COL22A1: variants seen among roughly 807,000 people sequenced by gnomAD.
COL22A1 encodes collagen alpha-1(XXII) chain.
A neutral mutation model predicts 248.9 loss-of-function variants in COL22A1; 221 were observed. That is an observed-to-expected ratio of 0.89 (90% CI 0.80 to 0.99). COL22A1 has a LOEUF of 0.99. COL22A1 is among the 50% of genes least tolerant of loss of function. The pLI is 0.00. For synonymous variants in COL22A1, 891 were observed against 793.4 expected (o/e 1.12, Z -2.07); for missense variants, 2,240 against 2,179.0 (o/e 1.03, Z -0.56).
intron 63 of COL22A1, among the ~76,000 whole-genome samples, chr8:138,592,467 C>T (rs1367057194): frequency 6.6e-6 from 1 of 152,140 alleles, no homozygotes; most frequent in African/African-American, 2.4e-5. Flanking sequence ...CTGATGTTCT[C>T]TGTTTTATGC....
intron 22 of COL22A1, 97 bp downstream of exon 22, chr8:138,751,361 C>T: frequency 1.2e-6 from 1 of 833,372 alleles, no homozygotes; most frequent in Non-Finnish European, 1.9e-6. Context: ...TTTCAAGTCC[C>T]TGAAACTGAC....
intron 16 of COL22A1, among the ~76,000 whole-genome samples, chr8:138,769,252 G>A (rs944537556): frequency 9.9e-5 from 15 of 152,152 alleles, no homozygotes; most frequent in African/African-American, 2.9e-4. Context: ...ACTGACTGAC[G>A]TGAACTCAAC....
At position 138,820,762 on chromosome 8, in the gene COL22A1, C is replaced by T. The variant is rs773963409; in HGVS notation, c.1245+374G>A. ...TATATGTATGTATGTGTGTGTGTGA[C>T]TTTGCAGACCTAGGAGCTACCTTTC... On this transcript the variant is annotated intron_variant, in intron 7 of 64. Transcript: ENST00000303045. Among the ~76,000 whole-genome samples, 36 of 152,090 alleles carry T rather than the reference C, an allele frequency of 2.4e-4. 1 individual carries two copies. Among genetic ancestry groups the T allele is most frequent in the Non-Finnish European group, 5.0e-4 (34 of 68,034 alleles).
chr8:138,840,730 A>AT (rs1820820739), intron 4 of COL22A1, among the ~76,000 whole-genome samples: 1 of 151,948 alleles, frequency 6.6e-6, no homozygotes, highest in Non-Finnish European at 1.5e-5. Flanking sequence ...TTTCATGGGT[A>AT]TTTTTTGGTA....
chr8:138,901,793 C>A (rs1201027881), intron 1 of COL22A1, among the ~76,000 whole-genome samples: 2 of 152,044 alleles, frequency 1.3e-5, no homozygotes, highest in East Asian at 3.9e-4. Context: ...TTATTGCAGA[C>A]CTTCATGGGC....
intron 1 of COL22A1, among the ~76,000 whole-genome samples, chr8:138,886,759 C>G (rs963354970): frequency 1.3e-5 from 2 of 152,180 alleles, no homozygotes; most frequent in Non-Finnish European, 2.9e-5. Flanking sequence ...GAGCTAGGAA[C>G]CACTATCTCA....
At chr8:138,854,069 G>C (rs1207570109) in intron 3 of COL22A1, among the ~76,000 whole-genome samples, 2 of 152,214 alleles carry the variant, frequency 1.3e-5, no homozygotes, top group Non-Finnish European at 2.9e-5. Flanking sequence ...GGCTGTGACT[G>C]TCACATGGCA....
chr8:138,762,902 T>G (rs6981648), intron 16 of COL22A1, among the ~76,000 whole-genome samples: 121,010 of 152,162 alleles, frequency 0.8, 49,069 homozygotes, highest in East Asian at 0.99. Flanking sequence ...CAACATAGAC[T>G]TCAGAGTGAA....
intron 11 of COL22A1, among the ~76,000 whole-genome samples, chr8:138,799,976 A>G (rs6998177): frequency 0.3 from 46,238 of 152,102 alleles, 7,526 homozygotes; most frequent in African/African-American, 0.41. Flanking sequence ...TTGTTTCTAG[A>G]GAACTCTTAC....
intron 37 of COL22A1, 93 bp from the exon 38 acceptor site, chr8:138,685,405 T>A: frequency 1.0e-6 from 1 of 969,356 alleles, no homozygotes; most frequent in Non-Finnish European, 1.6e-6. Flanking sequence ...GTAGGTTTCC[T>A]GGGGCTGCCT....
intron 18 of COL22A1, among the ~76,000 whole-genome samples, chr8:138,756,069 T>G (rs1339703733): frequency 1.3e-5 from 2 of 152,194 alleles, no homozygotes; most frequent in Non-Finnish European, 2.9e-5. Flanking sequence ...TTTTCTATTT[T>G]GTGCACATCC....
chr8:138,664,209 G>GCGCGCGCGCGCACA (rs1440442280), intron 41 of COL22A1, among the ~76,000 whole-genome samples: 13 of 103,158 alleles, frequency 1.3e-4, no homozygotes, highest in East Asian at 3.2e-4. Flanking sequence ...GCGCGCGCGC[G>GCGCGCGCGCGCACA]CACACACACA....
Position 138,630,744 on chromosome 8 carries a change from G to T in COL22A1, c.3614C>A (p.Ala1205Glu), listed in dbSNP as rs1416639090. ...TCCAGCAGCTCCTGCAATTCCATCT[G>T]CCCCCTAAAAAAGACAAGGCAGAAA... ...GPPGNPGPPG[A>E]DGIAGAAGPP... Residue 1205 changes from alanine (A) to glutamate (E), a missense_variant, in exon 50 of 65, where the codon GCA (alanine) becomes GAA (glutamate). Physicochemically the swap from Ala to Glu is moderately radical, Grantham distance 107 (BLOSUM62 -1). Coordinates refer to ENST00000303045, the MANE Select transcript of COL22A1 (RefSeq NM_152888.3). 6.2e-7 allele frequency: 1 copy of T among 1,613,718 alleles called. No homozygotes were observed. Among genetic ancestry groups the T allele is most frequent in the Non-Finnish European group, 8.5e-7 (1 of 1,179,766 alleles).
chr8:138,837,822 C>A (rs1015958129), intron 4 of COL22A1, among the ~76,000 whole-genome samples: 2 of 152,146 alleles, frequency 1.3e-5, no homozygotes, highest in Non-Finnish European at 2.9e-5. Context: ...CAGAGAAAGG[C>A]AGAATAGGTG....
At chr8:138,664,209 G>GCGCGCGCACA (rs1440442280) in intron 41 of COL22A1, among the ~76,000 whole-genome samples, 215 of 103,176 alleles carry the variant, frequency 2.1e-3, no homozygotes, top group South Asian at 6.9e-3. Context: ...GCGCGCGCGC[G>GCGCGCGCACA]CACACACACA....
At chr8:138,821,854 CA>C (rs1819165408) in intron 6 of COL22A1, among the ~76,000 whole-genome samples, 1 of 152,230 alleles carries the variant, frequency 6.6e-6, no homozygotes, top group African/African-American at 2.4e-5. Flanking sequence ...AAAATATCTT[CA>C]GGCCTGATCT....
At position 138,716,816 on chromosome 8, in the gene COL22A1, C is replaced by T. The variant is rs745750009; in HGVS notation, c.2400+9G>A. 5 of 1,603,422 alleles carry T rather than the reference C, an allele frequency of 3.1e-6. No individual in the cohort carries two copies. The Admixed American group carries it at 6.7e-5, about 21-fold the overall frequency. On this transcript the variant is annotated intron_variant, in intron 28 of 64. Coordinates refer to ENST00000303045, the MANE Select transcript of COL22A1 (RefSeq NM_152888.3). ...TAAAATGAATGAATAAAAGCACAAA[C>T]AAACAGACCTTCTCTCCAGGTCGGC...
chr8:138,666,718 A>T (rs145281673), intron 41 of COL22A1, among the ~76,000 whole-genome samples: 1 of 152,326 alleles, frequency 6.6e-6, no homozygotes, highest in East Asian at 1.9e-4. Flanking sequence ...GAAATGTCAC[A>T]TCATTTGAGA....
At chr8:138,841,786 C>T (rs1805557519) in intron 4 of COL22A1, among the ~76,000 whole-genome samples, 1 of 152,094 alleles carries the variant, frequency 6.6e-6, no homozygotes, top group Non-Finnish European at 1.5e-5. Context: ...CTGGGGGCAG[C>T]AAAGGAAGTG....
Sources: gnomAD v4.1 joint callset for allele counts (sites outside exome capture counted in the v4.1 genomes callset) on GRCh38, gnomAD v4.1.1 for gene constraint, MANE v1.5 for transcripts, NCBI Gene and HGNC (gene_info 2026-07-23, HGNC 2026-07-21) for gene names.